PRKCQ: variants seen among roughly 807,000 people sequenced by gnomAD.
PRKCQ encodes the protein protein kinase C theta type.
In PRKCQ, 41 loss-of-function variants were observed where a neutral mutation model predicts 91.2. That is an observed-to-expected ratio of 0.45 (90% CI 0.35 to 0.58). The LOEUF is 0.58. Ranked by LOEUF, PRKCQ falls within the 20% of genes least tolerant of loss-of-function variation. The probability of loss-of-function intolerance (pLI) is 0.00; values close to 1 mark genes in which losing one functional copy is unlikely to be tolerated. For missense variants in PRKCQ, 673 were observed against 896.5 expected (o/e 0.75, Z 3.18); for synonymous variants, 307 against 316.9 (o/e 0.97, Z 0.33).
In PRKCQ at chr10:6,428,140, A is replaced by G; in HGVS notation, c.*67T>C. 1.3e-6 allele frequency: 2 copies of G among 1,586,764 alleles called. No individual in the cohort carries two copies. The highest frequency in any genetic ancestry group is 1.7e-6 in the Non-Finnish European group (2 of 1,159,626). On this transcript the variant is annotated 3_prime_UTR_variant, in exon 18 of 18. Transcript: ENST00000263125. Reference sequence around the variant, plus strand: ...TTTTCCAAGTTGAAAAAGGAACCCAAGCAGTGTCTCTTGAACCAGTTCCCA... The same window carrying G: ...TTTTCCAAGTTGAAAAAGGAACCCAGGCAGTGTCTCTTGAACCAGTTCCCA...
chr10:6,488,939 A>G (rs1169854155), intron 8 of PRKCQ, among the ~76,000 whole-genome samples: 1 of 151,630 alleles, frequency 6.6e-6, no homozygotes, highest in Non-Finnish European at 1.5e-5. Flanking sequence ...ACACCACTAC[A>G]CCCGACTAAT....
downstream of PRKCQ, among the ~76,000 whole-genome samples, chr10:6,424,255 C>T (rs796961099): frequency 2.6e-5 from 4 of 152,318 alleles, no homozygotes; most frequent in African/African-American, 9.6e-5. Context: ...ACATGTCCTT[C>T]AGTTGCTCCC....
intron 14 of PRKCQ, 84 bp from the exon 15 acceptor site, chr10:6,456,896 T>C: frequency 6.9e-7 from 1 of 1,447,054 alleles, no homozygotes; most frequent in Non-Finnish European, 9.4e-7. Flanking sequence ...AGGGAGTTTG[T>C]CTCATTGCAG....
the PRKCQ span, among the ~76,000 whole-genome samples, chr10:6,400,718 G>GAAAA: frequency 7.3e-6 from 1 of 136,414 alleles, no homozygotes. Flanking sequence ...TTAAGAAACT[G>GAAAA]AAAAAAAAAA....
chr10:6,449,449 G>T (rs576774662), intron 15 of PRKCQ, among the ~76,000 whole-genome samples: 13,388 of 150,340 alleles, frequency 0.089, 657 homozygotes, highest in Middle Eastern at 0.18. Context: ...GACCAAATCT[G>T]TGTCTGATTG....
intron 15 of PRKCQ, among the ~76,000 whole-genome samples, chr10:6,445,263 C>G (rs187353605): frequency 6.6e-6 from 1 of 152,190 alleles, no homozygotes; most frequent in African/African-American, 2.4e-5. Flanking sequence ...TCCACCACCC[C>G]GGGGCCCACT....
At chr10:6,510,919 G>A in intron 3 of PRKCQ, 76 bp downstream of exon 3, 9 of 1,552,602 alleles carry the variant, frequency 5.8e-6, no homozygotes, top group Non-Finnish European at 8.0e-6. Context: ...CCCTCAGATT[G>A]ACATGGGAGT....
At chr10:6,571,795 C>A (rs146440054) in intron 1 of PRKCQ, among the ~76,000 whole-genome samples, 1 of 152,008 alleles carries the variant, frequency 6.6e-6, no homozygotes, top group Non-Finnish European at 1.5e-5. Flanking sequence ...CAGAACAAGA[C>A]CCTGCCTCAA....
At chr10:6,510,493 T>C (rs1285115702) in intron 3 of PRKCQ, among the ~76,000 whole-genome samples, 3 of 152,230 alleles carry the variant, frequency 2.0e-5, no homozygotes, top group African/African-American at 4.8e-5. Context: ...AAAAGTGTAT[T>C]GATGAAGTTT....
At chr10:6,474,804 A>AT (rs1213818255) in intron 12 of PRKCQ, among the ~76,000 whole-genome samples, 2 of 151,956 alleles carry the variant, frequency 1.3e-5, no homozygotes, top group Non-Finnish European at 2.9e-5. Flanking sequence ...GGATTTTCCT[A>AT]TTTTTTTACT....
intron 16 of PRKCQ, among the ~76,000 whole-genome samples, chr10:6,433,612 G>A (rs954838805): frequency 1.4e-4 from 21 of 151,910 alleles, no homozygotes; most frequent in Non-Finnish European, 2.1e-4. Flanking sequence ...AAATGGAGTG[G>A]GTACTAAAAG....
intron 15 of PRKCQ, among the ~76,000 whole-genome samples, chr10:6,453,206 T>C (rs1052871128): frequency 2.6e-5 from 4 of 151,426 alleles, no homozygotes; most frequent in African/African-American, 7.3e-5. Flanking sequence ...GAATCTACAA[T>C]GAACTCAAAC....
the PRKCQ span, among the ~76,000 whole-genome samples, chr10:6,417,076 G>T: frequency 6.6e-6 from 1 of 152,156 alleles, no homozygotes; most frequent in Non-Finnish European, 1.5e-5. Context: ...GACACTAGAG[G>T]TCTCCACCTC....
the PRKCQ span, among the ~76,000 whole-genome samples, chr10:6,417,271 C>T: frequency 6.6e-6 from 1 of 152,154 alleles, no homozygotes; most frequent in African/African-American, 2.4e-5. Flanking sequence ...GAAATACTGA[C>T]TGAAATTTGA....
chr10:6,511,112 T>TC lies in PRKCQ; in HGVS notation c.200dup (p.Arg68LysfsTer17). 6.2e-7 allele frequency: 1 copy of TC among 1,614,146 alleles called. No individual in the cohort carries two copies. Among genetic ancestry groups the TC allele is most frequent in the Non-Finnish European group, 8.5e-7 (1 of 1,180,016 alleles). On this transcript the variant is annotated frameshift_variant, in exon 3 of 18. Transcript: ENST00000263125. LOFTEE classifies it high-confidence loss of function. ...CTTTCACAATGATCTGCATGACTCT[T>TC]CCCTTGTTGATATGGGCATCAAAAG...
At chr10:6,401,200 C>T in the PRKCQ span, among the ~76,000 whole-genome samples, 10 of 152,110 alleles carry the variant, frequency 6.6e-5, no homozygotes, top group African/African-American at 2.4e-4. Context: ...AATCAAATCG[C>T]TATGACATGT....
the PRKCQ span, among the ~76,000 whole-genome samples, chr10:6,412,898 T>C: frequency 1.3e-5 from 2 of 152,380 alleles, no homozygotes; most frequent in East Asian, 3.9e-4. Flanking sequence ...CAATCACTTA[T>C]GAGCACAATT....
At chr10:6,454,268 G>A (rs917919606) in intron 15 of PRKCQ, among the ~76,000 whole-genome samples, 13 of 152,154 alleles carry the variant, frequency 8.5e-5, no homozygotes, top group African/African-American at 3.1e-4. Flanking sequence ...TATGTAAAGA[G>A]CATGCCCTGG....
chr10:6,456,548 C>T (rs1275385075), intron 15 of PRKCQ, 126 bp downstream of exon 15: 3 of 1,296,926 alleles, frequency 2.3e-6, no homozygotes, highest in Non-Finnish European at 3.1e-6. Context: ...TTATGAGATA[C>T]TTAAGAAAAC....
Sources: gnomAD v4.1 joint callset for allele counts (sites outside exome capture counted in the v4.1 genomes callset) on GRCh38, gnomAD v4.1.1 for gene constraint, MANE v1.5 for transcripts, NCBI Gene and HGNC (gene_info 2026-07-23, HGNC 2026-07-21) for gene names.